The following SULT2A1 variants were observed in gnomAD, a reference collection of about 807,000 sequenced individuals.
SULT2A1 encodes sulfotransferase 2A1.
SULT2A1 carries 43 observed loss-of-function variants against 33.9 expected under a neutral mutation model. The observed-to-expected ratio is 1.27, with a 90% CI of 1.00 to 1.64. SULT2A1 has a LOEUF of 1.64. Ranked by LOEUF, SULT2A1 falls within the 40% of genes most tolerant of loss-of-function variation. SULT2A1 has a pLI of 0.00. For synonymous variants in SULT2A1, 125 were observed against 113.6 expected (o/e 1.10, Z -0.64); for missense variants, 300 against 335.1 (o/e 0.90, Z 0.82).
Position 47,870,518 on chromosome 19 carries a change from A to G in SULT2A1, c.*937T>C. 6.8e-6 allele frequency: 1 copy of G among 148,098 alleles called. No homozygotes were observed. The highest frequency in any genetic ancestry group is 1.9e-4 in the East Asian group (1 of 5,204). The allele number at this position is 148,098 out of a possible 1,614,324, so 9.2% of individuals were successfully genotyped here. On this transcript the variant is annotated 3_prime_UTR_variant, in exon 6 of 6. Coordinates refer to ENST00000222002, the MANE Select transcript of SULT2A1 (RefSeq NM_003167.4). Reference sequence around the variant, plus strand: ...GTTTAACAACACAGAGTAAGAGGATAAAATTAGATTGCAAATTACACTCCT... The same window carrying G: ...GTTTAACAACACAGAGTAAGAGGATGAAATTAGATTGCAAATTACACTCCT...
intron 4 of SULT2A1, among the ~76,000 whole-genome samples, chr19:47,877,538 C>A (rs1968558527): frequency 1.3e-5 from 2 of 150,880 alleles, no homozygotes; most frequent in Non-Finnish European, 3.0e-5. Flanking sequence ...CCGTGCCCAG[C>A]CTTCTTTTTC....
chr19:47,877,548 C>T (rs1315545962), intron 4 of SULT2A1, among the ~76,000 whole-genome samples: 1 of 145,286 alleles, frequency 6.9e-6, no homozygotes, highest in Non-Finnish European at 1.5e-5. Context: ...CCTTCTTTTT[C>T]TTTCTTTTTT....
At chr19:47,879,711 T>C (rs1351770708) in intron 3 of SULT2A1, among the ~76,000 whole-genome samples, 1 of 137,138 alleles carries the variant, frequency 7.3e-6, no homozygotes, top group Non-Finnish European at 1.5e-5. Context: ...TTCTCACTCA[T>C]AGGTGGGAAT....
At chr19:47,881,523 T>C (rs1411392017) in intron 3 of SULT2A1, among the ~76,000 whole-genome samples, 1 of 152,142 alleles carries the variant, frequency 6.6e-6, no homozygotes, top group Non-Finnish European at 1.5e-5. Flanking sequence ...GGTGGCTCTC[T>C]CTAATGGAGG....
intron 4 of SULT2A1, among the ~76,000 whole-genome samples, chr19:47,877,830 G>A (rs931904694): frequency 3.3e-5 from 5 of 152,186 alleles, no homozygotes; most frequent in Non-Finnish European, 7.3e-5. Flanking sequence ...GATTACAGGC[G>A]TGAGCCACTG....
At chr19:47,873,686 C>T (rs988614360) in intron 5 of SULT2A1, among the ~76,000 whole-genome samples, 4 of 123,396 alleles carry the variant, frequency 3.2e-5, no homozygotes, top group African/African-American at 6.4e-5. Flanking sequence ...TGCAGTGGCA[C>T]GATCTTGGCT....
chr19:47,872,201 A>G (rs1968499466), intron 5 of SULT2A1, among the ~76,000 whole-genome samples: 1 of 152,170 alleles, frequency 6.6e-6, no homozygotes, highest in African/African-American at 2.4e-5. Context: ...TACAGGCGTG[A>G]GCCACCACAC....
chr19:47,873,970 T>G (rs1968518045), intron 5 of SULT2A1, among the ~76,000 whole-genome samples: 1 of 152,008 alleles, frequency 6.6e-6, no homozygotes, highest in African/African-American at 2.4e-5. Flanking sequence ...GCAGCTGCAC[T>G]GTGGCCATCC....
rs1968483277 is a variant in SULT2A1, at chr19:47,870,891, T to C, written c.*564A>G. The C allele has an allele frequency of 6.8e-6, 1 of 147,610 alleles. No individual in the cohort carries two copies. Among genetic ancestry groups the C allele is most frequent in the Admixed American group, 6.8e-5 (1 of 14,754 alleles). 9.1% of individuals were successfully genotyped at this position (147,610 alleles called of 1,614,324 possible). A position where few individuals can be genotyped will look rare whatever the true frequency, so the allele number is the denominator to read the frequency against. On this transcript the variant is annotated 3_prime_UTR_variant, in exon 6 of 6. Transcript: ENST00000222002. ...GACGGTCTCGCTCTGTCACCCAGGC[T>C]GGAGTGCAGTGGCGCGATCTTGGCT...
At chr19:47,884,474 GGCT>G (rs1968635284) in intron 1 of SULT2A1, among the ~76,000 whole-genome samples, 1 of 83,572 alleles carries the variant, frequency 1.2e-5, no homozygotes, top group Non-Finnish European at 2.2e-5. Context: ...CACTGCGCCT[GGCT>G]TTTTTTTTTT....
chr19:47,884,181 ATTTAT>A (rs1968631857), intron 1 of SULT2A1, among the ~76,000 whole-genome samples: 2 of 149,412 alleles, frequency 1.3e-5, no homozygotes, highest in Admixed American at 1.3e-4. Context: ...TTATTTATTT[ATTTAT>A]TTTGAGACAG....
intron 4 of SULT2A1, among the ~76,000 whole-genome samples, chr19:47,876,586 G>T (rs778691739): frequency 1.3e-5 from 2 of 151,852 alleles, no homozygotes; most frequent in African/African-American, 4.8e-5. Flanking sequence ...CTTGGTCAAC[G>T]TGGTGAAACC....
chr19:47,874,801 A>G lies in SULT2A1; in HGVS notation c.601T>C (p.Phe201Leu). 6.8e-6 allele frequency: 11 copies of G among 1,614,122 alleles called. No individual in the cohort carries two copies. The highest frequency in any genetic ancestry group is 9.3e-6 in the Non-Finnish European group (11 of 1,180,008). The change falls in exon 5 of 6, where the codon TTC becomes CTC. Residue 201 changes from phenylalanine to leucine, a missense_variant. By Grantham distance (22) the Phe-to-Leu change is conservative (BLOSUM62 0). Transcript: ENST00000222002. ...TCGGGTTCTAACGTCTTTCCCAGGA[A>G]TTGACAGATCTTCTCTATGGTTCTT... ...TGRTIEKICQ[F>L]LGKTLEPEEL... is the part of the protein sequence containing the mutation.
rs1968492955 is a variant in SULT2A1, at chr19:47,871,553, A to C, written c.760T>G (p.Trp254Gly). 2 of 1,613,760 alleles carry C rather than the reference A, an allele frequency of 1.2e-6. No homozygotes were observed. The highest frequency in any genetic ancestry group is 1.7e-6 in the Non-Finnish European group (2 of 1,179,752). ...QLLRKGVSGDWKNHFTVAQAE... is the reference protein window; with the variant it reads ...QLLRKGVSGDGKNHFTVAQAE... ...TGGGCCACTGTGAAGTGATTTTTCC[A>C]GTCCCCAGATACACCTGGAAACAAG... The change falls in exon 6 of 6, where the codon TGG (tryptophan) becomes GGG (glycine). Residue 254 changes from tryptophan (W) to glycine (G), a missense_variant. Coordinates refer to ENST00000222002, the MANE Select transcript of SULT2A1 (RefSeq NM_003167.4).
intron 3 of SULT2A1, 81 bp from the exon 4 acceptor site, chr19:47,879,211 C>T (rs148916770): frequency 1.6e-4 from 135 of 841,548 alleles, no homozygotes; most frequent in Admixed American, 1.1e-3. Context: ...ATCCCCCCAC[C>T]GGCTTGTTAA....
chr19:47,874,578 C>T, intron 5 of SULT2A1, 79 bp downstream of exon 5: 1 of 691,304 alleles, frequency 1.4e-6, no homozygotes, highest in Non-Finnish European at 2.3e-6. Context: ...TTCATCTCAA[C>T]TGTTAGCGCC....
intron 5 of SULT2A1, among the ~76,000 whole-genome samples, chr19:47,873,470 C>T (rs1027695541): frequency 2.6e-5 from 4 of 151,886 alleles, no homozygotes. Context: ...CACGCCTGGC[C>T]CTGGAAAAAT....
At chr19:47,885,235 G>A (rs867920372) in intron 1 of SULT2A1, among the ~76,000 whole-genome samples, 45 of 152,144 alleles carry the variant, frequency 3.0e-4, no homozygotes, top group Admixed American at 6.6e-5. Context: ...AGCCAGCACC[G>A]ACTCCCCATT....
chr19:47,875,158 CAAAAAAAA>C (rs36196588), intron 4 of SULT2A1, among the ~76,000 whole-genome samples: 10 of 94,082 alleles, frequency 1.1e-4, no homozygotes, highest in Non-Finnish European at 1.2e-4. Flanking sequence ...GAGACCTTGT[CAAAAAAAA>C]AAAAAAAAAA....
Sources: gnomAD v4.1 joint callset for allele counts (sites outside exome capture counted in the v4.1 genomes callset) on GRCh38, gnomAD v4.1.1 for gene constraint, MANE v1.5 for transcripts, NCBI Gene and HGNC (gene_info 2026-07-23, HGNC 2026-07-21) for gene names.